Variants in IWS1 observed in about 807,000 individuals in gnomAD.
The protein encoded by IWS1 is interacts with SUPT6H, CTD assembly factor 1, also known as protein IWS1 homolog.
A neutral mutation model predicts 86.7 loss-of-function variants in IWS1; 27 were observed. The observed-to-expected ratio is 0.31, with a 90% CI of 0.23 to 0.43. IWS1 has a LOEUF of 0.43. IWS1 is among the 20% of genes least tolerant of loss of function. The pLI is 1.00. For synonymous variants in IWS1, 313 were observed against 335.1 expected, an observed-to-expected ratio of 0.93 and a Z score of 0.72; for missense variants, 827 against 1,000.8, an observed-to-expected ratio of 0.83 and a Z score of 2.34.
chr2:127,505,212 T>C lies in IWS1; in HGVS notation c.691A>G (p.Arg231Gly), dbSNP rs771421734. ...VSDSESEEPP[R>G]HQASDSENEE... is the part of the protein sequence containing the mutation. ...TTTTCAGAGTCACTGGCCTGGTGCC[T>C]TGGGGGTTCCTCACTTTCTGAATCA... is the stretch of plus-strand genomic sequence containing the variant. The change falls in exon 3 of 14, where the codon AGG becomes GGG. Residue 231 changes from arginine to glycine, a missense_variant. Around this residue, in one of 2 missense-constraint regions of IWS1, gnomAD observed 548 missense variants for 560.2 expected, o/e 0.98. Transcript: ENST00000295321. This position sits in a 1 kb window ranked among gnomAD's most constrained non-coding sequence, Gnocchi z 5.0. 1.2e-6 allele frequency: 2 copies of C among 1,613,956 alleles called. No homozygotes were observed. The highest frequency in any genetic ancestry group is 1.3e-5 in the African/African-American group (1 of 74,902).
At chr2:127,502,938 T>A (rs1054843282) in intron 4 of IWS1, 66 bp from the exon 5 acceptor site, 17 of 911,592 alleles carry the variant, frequency 1.9e-5, no homozygotes, top group Middle Eastern at 2.2e-4. Flanking sequence ...AACCATTTTT[T>A]AAAAAATAGA....
chr2:127,520,375 G>A (rs978698662), intron 2 of IWS1, among the ~76,000 whole-genome samples: 1 of 152,024 alleles, frequency 6.6e-6, no homozygotes, highest in African/African-American at 2.4e-5. Flanking sequence ...CACCATGTTG[G>A]CCAGGATGGT....
intron 2 of IWS1, among the ~76,000 whole-genome samples, chr2:127,507,630 A>G (rs1691213730): frequency 1.3e-5 from 2 of 152,232 alleles, no homozygotes; most frequent in South Asian, 2.1e-4. Flanking sequence ...GCCACACTTC[A>G]TAATTTAAAA....
chr2:127,506,165 C>T (rs1478683054), intron 2 of IWS1, among the ~76,000 whole-genome samples: 7 of 152,190 alleles, frequency 4.6e-5, no homozygotes, highest in East Asian at 1.9e-4. Context: ...GTCAGGAGTT[C>T]GAGACCAGCC....
At position 127,505,281 on chromosome 2, in the gene IWS1, T is replaced by C; in HGVS notation, c.622A>G (p.Met208Val). 1 of 1,612,704 alleles carries C rather than the reference T, an allele frequency of 6.2e-7. No homozygotes were observed. Among genetic ancestry groups the C allele is most frequent in the African/African-American group, 1.3e-5 (1 of 74,638 alleles). Reference sequence around the variant, plus strand: ...AGCTCCTCACTTTCAGAATCACTCATTCGAGGTTTGGGAGGCTCCTCATTT... The same window carrying C: ...AGCTCCTCACTTTCAGAATCACTCACTCGAGGTTTGGGAGGCTCCTCATTT... ...SENEEPPKPR[M>V]SDSESEELPK... Residue 208 changes from methionine (M) to valine (V), a missense_variant, in exon 3 of 14, where the codon ATG becomes GTG. Physicochemically the swap from Met to Val is conservative, Grantham distance 21. This residue lies in a region of IWS1 where 548 missense variants were observed against 560.2 expected (regional missense o/e 0.98). Transcript: ENST00000295321. The surrounding 1 kb of genome is among the most constrained non-coding windows in gnomAD (Gnocchi z 5.0).
At chr2:127,488,032 A>C (rs1381890581) in intron 12 of IWS1, 1 of 152,242 alleles carries the variant, frequency 6.6e-6, no homozygotes, top group Admixed American at 6.6e-5. Flanking sequence ...CTGACTACCA[A>C]CACACCTGCA....
At chr2:127,509,215 A>C (rs974264784) in intron 2 of IWS1, among the ~76,000 whole-genome samples, 1 of 152,192 alleles carries the variant, frequency 6.6e-6, no homozygotes. Flanking sequence ...AACAATATCC[A>C]AAGTTTTTAG....
At position 127,505,612 on chromosome 2, in the gene IWS1, A is replaced by C; in HGVS notation, c.291T>G (p.Ser97=). The change falls in exon 3 of 14, where the codon TCT becomes TCG. Residue 97 remains serine (S), a synonymous_variant. Transcript: ENST00000295321. The surrounding 1 kb of genome is among the most constrained non-coding windows in gnomAD (Gnocchi z 5.0). Reference sequence around the variant, plus strand: ...TTGCAGGAGGCTCTGCACGTTCCTCAGATTCAGAGTCGCTGTCCTTTTGCC... The same window carrying C: ...TTGCAGGAGGCTCTGCACGTTCCTCCGATTCAGAGTCGCTGTCCTTTTGCC... ...LHRQKDSDSE[S]EERAEPPASD... is the part of the protein sequence containing the mutation. The C allele has an allele frequency of 3.1e-6, 5 of 1,613,890 alleles. No homozygotes were observed. Among genetic ancestry groups the C allele is most frequent in the Non-Finnish European group, 4.2e-6 (5 of 1,179,976 alleles).
At chr2:127,521,708 T>G (rs1377537595) in intron 2 of IWS1, among the ~76,000 whole-genome samples, 1 of 152,250 alleles carries the variant, frequency 6.6e-6, no homozygotes, top group Non-Finnish European at 1.5e-5. Flanking sequence ...GTACTCAAAG[T>G]ATACATACAG....
intron 2 of IWS1, among the ~76,000 whole-genome samples, chr2:127,512,866 A>T (rs937380164): frequency 6.6e-6 from 1 of 152,404 alleles, no homozygotes; most frequent in East Asian, 1.9e-4. Flanking sequence ...TTATTGAAAG[A>T]CATGAATAAT....
At chr2:127,481,247 A>C (rs1024938468) in intron 13 of IWS1, 72 bp from the exon 14 acceptor site, 4 of 1,414,016 alleles carry the variant, frequency 2.8e-6, no homozygotes, top group Non-Finnish European at 3.8e-6. Flanking sequence ...TCATCTTCTT[A>C]TAACTGAGTT....
rs76248092 is a variant in IWS1 at position 127,502,939 on chromosome 2, A to T, written c.1410-67T>A. 2,922 of 903,244 alleles carry T rather than the reference A, an allele frequency of 3.2e-3. 53 individuals carry two copies. In the African/African-American group the frequency reaches 0.041, roughly 13 times the overall value. 56.0% of individuals were successfully genotyped at this position (903,244 alleles called of 1,614,324 possible). A position where few individuals can be genotyped will look rare whatever the true frequency, so the allele number is the denominator to read the frequency against. On this transcript the variant is annotated intron_variant, in intron 4 of 13. Transcript: ENST00000295321. ...CTCATTTGCATAGGAACCATTTTTTAAAAAATAGAATTTATGTACAGTAAA... is the reference window on the plus strand; with the variant it reads ...CTCATTTGCATAGGAACCATTTTTTTAAAAATAGAATTTATGTACAGTAAA...
In IWS1 at chr2:127,526,232, G is replaced by T; in HGVS notation, c.-24C>A. ...ATGGCAGGCGGACTCTCAGCGGGGAGTGTCCGCGCCCCGCGCCGCCCCCGT... is the reference window on the plus strand; with the variant it reads ...ATGGCAGGCGGACTCTCAGCGGGGATTGTCCGCGCCCCGCGCCGCCCCCGT... On this transcript the variant is annotated 5_prime_UTR_variant, in exon 1 of 14. Coordinates refer to ENST00000295321, the MANE Select transcript of IWS1 (RefSeq NM_017969.3). 1.9e-6 allele frequency: 3 copies of T among 1,557,522 alleles called. No individual in the cohort carries two copies. The highest frequency in any genetic ancestry group is 2.6e-6 in the Non-Finnish European group (3 of 1,152,534).
intron 6 of IWS1, among the ~76,000 whole-genome samples, chr2:127,497,600 C>T (rs767996677): frequency 5.3e-5 from 8 of 152,160 alleles, no homozygotes; most frequent in Non-Finnish European, 1.0e-4. Context: ...TACTGCCAAA[C>T]TCATTCAGTT....
At chr2:127,508,339 T>C (rs1691256208) in intron 2 of IWS1, among the ~76,000 whole-genome samples, 2 of 119,518 alleles carry the variant, frequency 1.7e-5, no homozygotes, top group Non-Finnish European at 4.0e-5. Flanking sequence ...TGCATCTATA[T>C]GAAACTGAGC....
intron 1 of IWS1, among the ~76,000 whole-genome samples, chr2:127,524,630 C>T (rs1465915388): frequency 6.6e-6 from 1 of 151,940 alleles, no homozygotes; most frequent in Non-Finnish European, 1.5e-5. Flanking sequence ...CCTCCACCCC[C>T]CCGGGTTCAA....
intron 2 of IWS1, among the ~76,000 whole-genome samples, chr2:127,515,847 CAGTT>C (rs1416600970): frequency 1.3e-5 from 2 of 152,192 alleles, no homozygotes; most frequent in Non-Finnish European, 2.9e-5. Flanking sequence ...CATCCTGCTT[CAGTT>C]AGAGGGCTTC....
chr2:127,492,495 G>A (rs1463482163), intron 9 of IWS1, among the ~76,000 whole-genome samples: 2 of 151,652 alleles, frequency 1.3e-5, no homozygotes, highest in African/African-American at 4.8e-5. Context: ...GAAGTGAGCC[G>A]AGGTGGTGCC....
Position 127,495,039 on chromosome 2 carries a change from AAC to A in IWS1, c.1717-87_1717-86del, listed in dbSNP as rs1203430295. 8.8e-6 allele frequency: 7 copies of A among 796,344 alleles called. No individual in the cohort carries two copies. In the East Asian group the frequency reaches 1.1e-4, roughly 13 times the overall value. 49.3% of individuals were successfully genotyped at this position (796,344 alleles called of 1,614,324 possible). On this transcript the variant is annotated intron_variant, in intron 7 of 13. Transcript: ENST00000295321. Reference sequence around the variant, plus strand: ...TCACTGTAATTCTGAACCTTAAAATAACAGTTTTTCAAAGAAACAATTTTTCC... The same window carrying A: ...TCACTGTAATTCTGAACCTTAAAATAAGTTTTTCAAAGAAACAATTTTTCC...
Sources: allele counts gnomAD v4.1 joint callset (sites outside exome capture counted in the v4.1 genomes callset), GRCh38; gene constraint gnomAD v4.1.1; regional missense constraint gnomAD v4.1.1; non-coding constraint Gnocchi (gnomAD v3.1); transcripts MANE v1.5; gene names NCBI Gene and HGNC (gene_info 2026-07-23, HGNC 2026-07-21).